Variants in SCHIP1 observed in about 807,000 individuals in gnomAD.
SCHIP1 encodes the protein schwannomin-interacting protein 1.
Under a neutral mutation model 29.7 loss-of-function variants are expected in SCHIP1, and 8 were observed. That is an observed-to-expected ratio of 0.27 (90% CI 0.16 to 0.49). The LOEUF is 0.49. Among genes scored for constraint, SCHIP1 ranks in the 20% least tolerant of loss-of-function variants. The pLI is 0.99. For synonymous variants in SCHIP1, 76 were observed against 94.9 expected, an observed-to-expected ratio of 0.80 and a Z score of 1.16; for missense variants, 193 against 294.6, an observed-to-expected ratio of 0.66 and a Z score of 2.52.
intron 2 of SCHIP1, among the ~76,000 whole-genome samples, chr3:159,867,004 C>T (rs1714700661): frequency 6.6e-6 from 1 of 152,100 alleles, no homozygotes; most frequent in South Asian, 2.1e-4. Context: ...TCAAGATCCT[C>T]CATTTCTATG....
chr3:159,457,127 A>T, the SCHIP1 span, among the ~76,000 whole-genome samples: 1 of 152,180 alleles, frequency 6.6e-6, no homozygotes, highest in Non-Finnish European at 1.5e-5. Flanking sequence ...GTGGTATTTT[A>T]AAAATGAGAG....
chr3:159,280,363 C>T, the SCHIP1 span, among the ~76,000 whole-genome samples: 1 of 152,132 alleles, frequency 6.6e-6, no homozygotes. Context: ...TTTCTCTGGC[C>T]CTTTTTGATG....
At chr3:159,687,786 T>A in the SCHIP1 span, among the ~76,000 whole-genome samples, 17 of 152,304 alleles carry the variant, frequency 1.1e-4, no homozygotes, top group Non-Finnish European at 2.2e-4. Flanking sequence ...GTGTGTGATG[T>A]TCCCCTTCCT....
chr3:159,606,337 C>A, the SCHIP1 span, among the ~76,000 whole-genome samples: 2 of 152,080 alleles, frequency 1.3e-5, no homozygotes, highest in Admixed American at 1.3e-4. Flanking sequence ...AAATACAGTA[C>A]CAATTCAACT....
chr3:159,886,109 T>G, intron 2 of SCHIP1, 98 bp from the exon 4 acceptor site: 1 of 1,250,572 alleles, frequency 8.0e-7, no homozygotes, highest in Non-Finnish European at 1.2e-6. Flanking sequence ...GAAGAACACA[T>G]AAGACTACTT....
At chr3:159,818,639 C>G in the SCHIP1 span, among the ~76,000 whole-genome samples, 1 of 152,250 alleles carries the variant, frequency 6.6e-6, no homozygotes, top group Non-Finnish European at 1.5e-5. Context: ...GCACCAGGAG[C>G]TGTGCCAGGG....
At chr3:159,877,907 G>A (rs1324750887) in intron 2 of SCHIP1, among the ~76,000 whole-genome samples, 2 of 152,184 alleles carry the variant, frequency 1.3e-5, no homozygotes, top group Non-Finnish European at 2.9e-5. Flanking sequence ...GATCCAAGGA[G>A]GAGAATGAAA....
chr3:159,772,183 C>T, the SCHIP1 span, among the ~76,000 whole-genome samples: 2 of 152,206 alleles, frequency 1.3e-5, no homozygotes, highest in South Asian at 2.1e-4. Context: ...GACAGTCTCG[C>T]TCTGTCGCCC....
At chr3:159,424,389 G>T in the SCHIP1 span, among the ~76,000 whole-genome samples, 2 of 152,186 alleles carry the variant, frequency 1.3e-5, no homozygotes, top group African/African-American at 2.4e-5. Flanking sequence ...ACTATGTGAA[G>T]AATGCAGAAG....
the SCHIP1 span, among the ~76,000 whole-genome samples, chr3:159,654,802 TAA>T: frequency 0.013 from 1,335 of 103,726 alleles, 4 homozygotes; most frequent in South Asian, 0.017. Flanking sequence ...TGACTTTAAG[TAA>T]AAAAAAAAAA....
exon 1 of SCHIP1, chr3:159,840,130 C>A: frequency 6.5e-7 from 1 of 1,533,522 alleles, no homozygotes; most frequent in Non-Finnish European, 8.7e-7. Context: ...CGCCTGCCCT[C>A]CGCAGCCTCG....
the SCHIP1 span, among the ~76,000 whole-genome samples, chr3:159,520,364 G>A: frequency 6.6e-6 from 1 of 152,082 alleles, no homozygotes; most frequent in African/African-American, 2.4e-5. Flanking sequence ...ACAAGAAACG[G>A]CCTAGCGTAT....
chr3:159,640,180 A>G, the SCHIP1 span, among the ~76,000 whole-genome samples: 1 of 152,182 alleles, frequency 6.6e-6, no homozygotes, highest in African/African-American at 2.4e-5. Flanking sequence ...TAGTTTGACA[A>G]TATAACAGTA....
chr3:159,837,192 CAG>C (rs1743743539), upstream of SCHIP1, among the ~76,000 whole-genome samples: 1 of 151,964 alleles, frequency 6.6e-6, no homozygotes, highest in African/African-American at 2.4e-5. Flanking sequence ...TCAGAAAAGA[CAG>C]AGTCCAGGAA....
At chr3:159,821,122 G>C in the SCHIP1 span, among the ~76,000 whole-genome samples, 1 of 152,218 alleles carries the variant, frequency 6.6e-6, no homozygotes, top group Admixed American at 6.5e-5. Context: ...AAAAGAACCA[G>C]AGGAGAACGT....
the SCHIP1 span, among the ~76,000 whole-genome samples, chr3:159,755,872 C>T: frequency 2.0e-5 from 3 of 152,358 alleles, no homozygotes; most frequent in South Asian, 6.2e-4. Context: ...AATCTTAAAG[C>T]TCCAAAATTA....
the SCHIP1 span, among the ~76,000 whole-genome samples, chr3:159,464,244 C>G: frequency 2.0e-5 from 3 of 152,170 alleles, no homozygotes; most frequent in African/African-American, 4.8e-5. Context: ...TGGCAACTGT[C>G]TGCACATTTG....
the SCHIP1 span, chr3:159,398,707 TA>T: frequency 6.6e-6 from 1 of 152,080 alleles, no homozygotes; most frequent in East Asian, 1.9e-4. Flanking sequence ...TTGAATCTGA[TA>T]GAGAGGAGGG....
the SCHIP1 span, among the ~76,000 whole-genome samples, chr3:159,747,485 A>G: frequency 6.6e-6 from 1 of 152,338 alleles, no homozygotes; most frequent in African/African-American, 2.4e-5. Flanking sequence ...AGCACATAAG[A>G]CCTGTGATTT....
Sources: gnomAD v4.1 joint callset for allele counts (sites outside exome capture counted in the v4.1 genomes callset) on GRCh38, gnomAD v4.1.1 for gene constraint, MANE v1.5 for transcripts, NCBI Gene and HGNC (gene_info 2026-07-23, HGNC 2026-07-21) for gene names.